Variants in RYR1 observed in about 807,000 individuals in gnomAD.
The protein encoded by RYR1 is ryanodine receptor 1.
RYR1 carries 342 observed loss-of-function variants against 583.5 expected under a neutral mutation model. The ratio of observed to expected loss-of-function variants is 0.59; its 90% confidence interval spans 0.54 to 0.64. The LOEUF is 0.64. RYR1 is among the 30% of genes least tolerant of loss of function. The probability of loss-of-function intolerance (pLI) is 0.00; values close to 1 mark genes in which losing one functional copy is unlikely to be tolerated. For missense variants in RYR1, 6,032 were observed against 6,917.2 expected (o/e 0.87, Z 4.54); for synonymous variants, 2,791 against 2,822.5 (o/e 0.99, Z 0.35).
rs535899658 is a variant in RYR1, at chr19:38,469,278, C to T, written c.3557-27C>T. The T allele has an allele frequency of 9.9e-6, 16 of 1,612,832 alleles. No individual in the cohort carries two copies. In the South Asian group the frequency reaches 1.6e-4, roughly 17 times the overall value. On this transcript the variant is annotated intron_variant, in intron 26 of 105. Coordinates refer to ENST00000359596, the MANE Select transcript of RYR1 (RefSeq NM_000540.3). ...CTCTGCCCTGCCCACCTGCCCTCAC[C>T]CCTGCCCATCCATCCCCTCCCACCA... is the stretch of plus-strand genomic sequence containing the variant.
Position 38,443,871 on chromosome 19 carries a change from C to G in RYR1, c.424+75C>G, listed in dbSNP as rs907255744. On this transcript the variant is annotated intron_variant, in intron 5 of 105. Transcript: ENST00000359596. ...TTCAGGGGGTAGAAGGTCTGCAGAA[C>G]GCCAAGGCAAGCATGAGACTACCCT... 4 of 1,383,918 alleles carry G rather than the reference C, an allele frequency of 2.9e-6. No homozygotes were observed. In the South Asian group the frequency reaches 4.6e-5, roughly 16 times the overall value. 85.7% of individuals were successfully genotyped at this position (1,383,918 alleles called of 1,614,324 possible).
intron 20 of RYR1, among the ~76,000 whole-genome samples, chr19:38,461,233 G>GATT (rs1967723855): frequency 1.3e-5 from 2 of 152,116 alleles, no homozygotes; most frequent in African/African-American, 2.4e-5. Context: ...GAAAGTTCGA[G>GATT]ATTAGTATGG....
rs1476531035 is a variant in RYR1 at position 38,565,626 on chromosome 19, C to T, written c.13292C>T (p.Pro4431Leu). ...GAGGAGGCGGTGCACGAGGCCGGGC[C>T]GGGCGGTGCCGACGGGGCGGTGGCC... ...DEEEAVHEAG[P>L]GGADGAVAVT... The change falls in exon 91 of 106, where the codon CCG becomes CTG. Residue 4431 changes from proline to leucine, a missense_variant. This residue lies in a region of RYR1 where 753 missense variants were observed against 759.6 expected (regional missense o/e 0.99). Coordinates refer to ENST00000359596, the MANE Select transcript of RYR1 (RefSeq NM_000540.3). This position sits in a 1 kb window ranked among gnomAD's most constrained non-coding sequence, Gnocchi z 4.7. 4 of 1,404,026 alleles carry T rather than the reference C, an allele frequency of 2.8e-6. No individual in the cohort carries two copies. Among genetic ancestry groups the T allele is most frequent in the Admixed American group, 3.3e-5 (1 of 30,032 alleles). The allele number at this position is 1,404,026 out of a possible 1,614,324, so 87.0% of individuals were successfully genotyped here. A position where few individuals can be genotyped will look rare whatever the true frequency, so the allele number is the denominator to read the frequency against.
At chr19:38,538,574 T>A (rs1227113179) in intron 84 of RYR1, 1 of 153,710 alleles carries the variant, frequency 6.5e-6, no homozygotes, top group African/African-American at 2.4e-5. Context: ...CTGCAGTGGC[T>A]GCCAAAGTTC....
At position 38,499,051 on chromosome 19, in the gene RYR1, GC is replaced by G; in HGVS notation, c.6892-53del. Reference sequence around the variant, plus strand: ...AGGGCAGGGCAGGGCAGAGGGCTGAGCCCCAGGAGGAAGGTGGCATGGGTCT... The same window carrying G: ...AGGGCAGGGCAGGGCAGAGGGCTGAGCCCAGGAGGAAGGTGGCATGGGTCT... On this transcript the variant is annotated intron_variant, in intron 42 of 105. Transcript: ENST00000359596. The surrounding 1 kb of genome is among the most constrained non-coding windows in gnomAD (Gnocchi z 7.3). The G allele has an allele frequency of 6.2e-7, 1 of 1,606,460 alleles. No homozygotes were observed. Among genetic ancestry groups the G allele is most frequent in the Non-Finnish European group, 8.5e-7 (1 of 1,175,936 alleles).
In RYR1 at chr19:38,526,930, G is replaced by T. The variant is rs1971491784; in HGVS notation, c.10627-63G>T. 4 of 1,568,086 alleles carry T rather than the reference G, an allele frequency of 2.6e-6. 1 individual carries two copies. The highest frequency in any genetic ancestry group is 1.8e-6 in the Non-Finnish European group (2 of 1,139,190). ...TGGGGTGCTGGGCCTGGAAGGAAAG[G>T]GTTGTGGGTCAGGAAGGAGGATGGG... is the stretch of plus-strand genomic sequence containing the variant. On this transcript the variant is annotated intron_variant, in intron 71 of 105. Transcript: ENST00000359596.
In RYR1 at chr19:38,565,403, C is replaced by G; in HGVS notation, c.13069C>G (p.Leu4357Val). Reference protein sequence around the residue: ...GAGAAAGALGLLWGSLFGGGL... With the variant: ...GAGAAAGALGVLWGSLFGGGL... The stretch of plus-strand genomic sequence containing the variant: ...GGGGGCGGCGGCGGGCGCGCTGGGC[C>G]TGCTCTGGGGCTCGCTGTTCGGCGG... Residue 4357 changes from leucine to valine, a missense_variant, in exon 91 of 106, where the codon CTG (leucine) becomes GTG (valine). Transcript: ENST00000359596. This position sits in a 1 kb window ranked among gnomAD's most constrained non-coding sequence, Gnocchi z 4.7. The G allele has an allele frequency of 6.9e-7, 1 of 1,454,876 alleles. No individual in the cohort carries two copies. Among genetic ancestry groups the G allele is most frequent in the Non-Finnish European group, 9.0e-7 (1 of 1,108,020 alleles). 90.1% of individuals were successfully genotyped at this position (1,454,876 alleles called of 1,614,324 possible). A position where few individuals can be genotyped will look rare whatever the true frequency, so the allele number is the denominator to read the frequency against.
In RYR1 at chr19:38,505,403, C is replaced by A; in HGVS notation, c.8400+5C>A. 2 of 1,599,404 alleles carry A rather than the reference C, an allele frequency of 1.3e-6. No individual in the cohort carries two copies. The highest frequency in any genetic ancestry group is 2.2e-5 in the South Asian group (2 of 89,384). ...TACAAGACCTTTTCAGAGAAGGTGA[C>A]CAGGCCTTGGGGCCCAGCATTGAGG... On this transcript the variant is annotated splice_donor_5th_base_variant and intron_variant, in intron 53 of 105. Transcript: ENST00000359596.
chr19:38,504,987 C>T lies in RYR1; in HGVS notation c.8232-16C>T, dbSNP rs1970375335. On this transcript the variant is annotated splice_polypyrimidine_tract_variant and intron_variant, in intron 51 of 105. Transcript: ENST00000359596. ...AACCCCAGCTCCAACATCTGCTGAC[C>T]CTGTGCCCCCAACAGTGTGATCATC... is the stretch of plus-strand genomic sequence containing the variant. The T allele has an allele frequency of 6.2e-7, 1 of 1,614,094 alleles. No homozygotes were observed. The highest frequency in any genetic ancestry group is 8.5e-7 in the Non-Finnish European group (1 of 1,179,978).
chr19:38,495,550 T>G (rs1969779744), intron 39 of RYR1, among the ~76,000 whole-genome samples: 1 of 152,108 alleles, frequency 6.6e-6, no homozygotes, highest in Non-Finnish European at 1.5e-5. Context: ...TCTTGCTATG[T>G]TGCCCAGGCT....
chr19:38,571,252 G>A (rs748462184), intron 94 of RYR1, among the ~76,000 whole-genome samples: 28 of 152,138 alleles, frequency 1.8e-4, no homozygotes, highest in African/African-American at 4.8e-4. Flanking sequence ...GCCCACTGGC[G>A]CATGACGATA....
chr19:38,492,432 A>G (rs1368005346), intron 37 of RYR1, 58 bp from the exon 38 acceptor site: 9 of 1,593,286 alleles, frequency 5.6e-6, no homozygotes, highest in Non-Finnish European at 7.7e-6. Flanking sequence ...ATGAGTGTGT[A>G]AGCAGGTGAA....
chr19:38,464,733 G>C lies in RYR1; in HGVS notation c.2870+11G>C. The C allele has an allele frequency of 6.4e-7, 1 of 1,569,640 alleles. No homozygotes were observed. ...AAAACTCCCCAAGACGTGAGTGTGG[G>C]CAGCCAGGTCCCGTCTGGGGATGGA... On this transcript the variant is annotated intron_variant, in intron 23 of 105. Transcript: ENST00000359596.
intron 42 of RYR1, among the ~76,000 whole-genome samples, chr19:38,497,304 TG>T (rs909772308): frequency 6.6e-6 from 1 of 152,130 alleles, no homozygotes; most frequent in Non-Finnish European, 1.5e-5. Context: ...GCTTCCGGGT[TG>T]GGGGCCGATC....
chr19:38,460,529 G>A lies in RYR1; in HGVS notation c.2515G>A (p.Val839Met), dbSNP rs1395839581. ...GGAGGGGCCCCGGGGGCCTCACCTG[G>A]TGGGCCCCAGTCGCTGCCTCTCACA... ...RREGPRGPHL[V>M]GPSRCLSHTD... Residue 839 changes from valine to methionine, a missense_variant, in exon 20 of 106, where the codon GTG (valine) becomes ATG (methionine). Around this residue, in one of 11 missense-constraint regions of RYR1, gnomAD observed 2,627 missense variants for 2,961.3 expected, o/e 0.89. Transcript: ENST00000359596. 1 of 1,614,078 alleles carries A rather than the reference G, an allele frequency of 6.2e-7. No homozygotes were observed. Among genetic ancestry groups the A allele is most frequent in the East Asian group, 2.2e-5 (1 of 44,886 alleles).
chr19:38,553,113 A>C (rs1360404285), intron 89 of RYR1, among the ~76,000 whole-genome samples: 1 of 151,626 alleles, frequency 6.6e-6, no homozygotes, highest in African/African-American at 2.4e-5. Flanking sequence ...CAGGCAGATC[A>C]CTTGAGGTCA....
chr19:38,486,352 T>G (rs1969296800), intron 34 of RYR1, 150 bp downstream of exon 34: 1 of 1,101,828 alleles, frequency 9.1e-7, no homozygotes. Context: ...TTTTTATTAT[T>G]ATTATTTTTT....
Position 38,485,817 on chromosome 19 carries a change from G to A in RYR1, c.5162G>A (p.Ser1721Asn). The change falls in exon 34 of 106, where the codon AGT becomes AAT. Residue 1721 changes from serine to asparagine, a missense_variant. Physicochemically the swap from Ser to Asn is conservative, Grantham distance 46 (BLOSUM62 1). This residue lies in a region of RYR1 where 2,627 missense variants were observed against 2,961.3 expected (regional missense o/e 0.89). Coordinates refer to ENST00000359596, the MANE Select transcript of RYR1 (RefSeq NM_000540.3). ...YDLLISIHLE[S>N]ACRSRRSMLS... ...CTCCTCATCAGCATCCACCTCGAAAGTGCCTGCCGCAGCCGCCGCTCCATG... is the reference window on the plus strand; with the variant it reads ...CTCCTCATCAGCATCCACCTCGAAAATGCCTGCCGCAGCCGCCGCTCCATG... The A allele has an allele frequency of 6.2e-7, 1 of 1,613,406 alleles. No individual in the cohort carries two copies. Among genetic ancestry groups the A allele is most frequent in the Non-Finnish European group, 8.5e-7 (1 of 1,179,986 alleles).
intron 16 of RYR1, among the ~76,000 whole-genome samples, chr19:38,457,041 A>G (rs1359620745): frequency 2.6e-5 from 2 of 77,578 alleles, no homozygotes; most frequent in Non-Finnish European, 4.9e-5. Flanking sequence ...GCCAGACTCC[A>G]TCTCCAAAAA....
Sources: gnomAD v4.1 joint callset for allele counts (sites outside exome capture counted in the v4.1 genomes callset) on GRCh38, gnomAD v4.1.1 for gene constraint, gnomAD v4.1.1 regional missense constraint, Gnocchi (gnomAD v3.1) non-coding constraint, MANE v1.5 for transcripts, NCBI Gene and HGNC (gene_info 2026-07-23, HGNC 2026-07-21) for gene names.